Variants in PSD3 observed in about 807,000 individuals in gnomAD.
PSD3 encodes pleckstrin and Sec7 domain containing 3, also known as PH and SEC7 domain-containing protein 3.
A neutral mutation model predicts 105.5 loss-of-function variants in PSD3; 49 were observed. The observed-to-expected ratio is 0.46, with a 90% CI of 0.37 to 0.59. PSD3 has a LOEUF of 0.59. PSD3 is among the 20% of genes least tolerant of loss of function. PSD3 has a pLI of 0.00. For missense variants in PSD3, 1,561 were observed against 1,263.8 expected (o/e 1.24, Z -3.57); for synonymous variants, 557 against 457.8 (o/e 1.22, Z -2.77).
At chr8:18,784,560 A>G (rs1808948089) in intron 8 of PSD3, among the ~76,000 whole-genome samples, 1 of 152,212 alleles carries the variant, frequency 6.6e-6, no homozygotes, top group South Asian at 2.1e-4. Context: ...GTGGGTTGTC[A>G]GTTATACTTC....
At chr8:19,049,844 T>C (rs534978554) in intron 1 of PSD3, among the ~76,000 whole-genome samples, 35 of 152,304 alleles carry the variant, frequency 2.3e-4, no homozygotes, top group Non-Finnish European at 4.4e-4. Flanking sequence ...AATTCGAGTC[T>C]GAAGCCAGAT....
intron 1 of PSD3, among the ~76,000 whole-genome samples, chr8:18,948,933 G>A (rs1019861359): frequency 1.3e-5 from 2 of 151,730 alleles, no homozygotes; most frequent in African/African-American, 4.8e-5. Flanking sequence ...TGACCTCTTG[G>A]TGGCAACTGT....
At chr8:18,861,714 T>C (rs1816467797) in intron 4 of PSD3, among the ~76,000 whole-genome samples, 1 of 152,184 alleles carries the variant, frequency 6.6e-6, no homozygotes, top group Admixed American at 6.5e-5. Context: ...ATCTATTTTC[T>C]TATTATTCCT....
chr8:18,667,203 G>A (rs1001043488), intron 9 of PSD3, among the ~76,000 whole-genome samples: 8 of 152,270 alleles, frequency 5.3e-5, no homozygotes, highest in Admixed American at 1.3e-4. Context: ...CCATTTTACA[G>A]AGAGCCGATT....
At chr8:18,974,050 T>A (rs371294527) in intron 1 of PSD3, among the ~76,000 whole-genome samples, 11 of 152,120 alleles carry the variant, frequency 7.2e-5, no homozygotes, top group African/African-American at 2.7e-4. Context: ...ACAATACAAA[T>A]GATAAAATAA....
At chr8:19,048,528 G>T (rs913843976) in intron 1 of PSD3, among the ~76,000 whole-genome samples, 15 of 146,022 alleles carry the variant, frequency 1.0e-4, no homozygotes, top group African/African-American at 3.4e-4. Context: ...CTGCCAAAGT[G>T]CTAGCTTGTA....
At chr8:18,555,007 C>T (rs1040817538) in intron 15 of PSD3, among the ~76,000 whole-genome samples, 3 of 152,090 alleles carry the variant, frequency 2.0e-5, no homozygotes, top group African/African-American at 4.8e-5. Context: ...GTTGTGGAAA[C>T]GTGGAGACGC....
At chr8:18,650,903 C>T (rs1026130740) in intron 10 of PSD3, among the ~76,000 whole-genome samples, 3 of 152,148 alleles carry the variant, frequency 2.0e-5, no homozygotes, top group Non-Finnish European at 4.4e-5. Context: ...TGCCAGGCAG[C>T]ATGGTGGTGC....
intron 9 of PSD3, among the ~76,000 whole-genome samples, chr8:18,745,137 C>A (rs1339674076): frequency 1.3e-5 from 2 of 152,134 alleles, no homozygotes; most frequent in Admixed American, 6.5e-5. Flanking sequence ...CTTTCACTGT[C>A]TACATTGTAA....
rs149157687 is a variant in PSD3 at position 18,544,790 on chromosome 8, G to C, written c.2929-8832C>G. Reference sequence around the variant, plus strand: ...CATTCTGTTCCCACACCTCGCCCCAGGAAGCTCTCATAGGAATCTGCTCTT... The same window carrying C: ...CATTCTGTTCCCACACCTCGCCCCACGAAGCTCTCATAGGAATCTGCTCTT... On this transcript the variant is annotated intron_variant, in intron 15 of 15. Transcript: ENST00000327040. Among the ~76,000 whole-genome samples, 266 of 152,214 alleles carry C rather than the reference G, an allele frequency of 1.7e-3. 1 individual carries two copies. The highest frequency in any genetic ancestry group is 6.2e-3 in the African/African-American group (256 of 41,534).
chr8:19,045,155 A>G (rs975697481), intron 1 of PSD3, among the ~76,000 whole-genome samples: 19 of 152,200 alleles, frequency 1.2e-4, no homozygotes, highest in Non-Finnish European at 7.3e-5. Context: ...ATTGCACTTC[A>G]GCCAGGGTGA....
chr8:18,538,501 A>G (rs1799957524), intron 15 of PSD3, among the ~76,000 whole-genome samples: 1 of 152,218 alleles, frequency 6.6e-6, no homozygotes, highest in South Asian at 2.1e-4. Context: ...AGATTAAAAA[A>G]CAGAAAAGAA....
intron 11 of PSD3, among the ~76,000 whole-genome samples, chr8:18,616,427 C>A (rs1265998282): frequency 6.6e-6 from 1 of 152,130 alleles, no homozygotes; most frequent in Non-Finnish European, 1.5e-5. Context: ...TTGATGGTGG[C>A]CAGGCATTCT....
In PSD3 at chr8:18,701,634, T is replaced by C. The variant is rs188844902; in HGVS notation, c.2173-45949A>G. On this transcript the variant is annotated intron_variant, in intron 9 of 15. Transcript: ENST00000327040. Reference sequence around the variant, plus strand: ...AGGAAACAAAAAAGTGGCTTCCTAGTAGTGCAGAGTAAGTTCCAAGATGTT... The same window carrying C: ...AGGAAACAAAAAAGTGGCTTCCTAGCAGTGCAGAGTAAGTTCCAAGATGTT... 3.3e-5 allele frequency among the ~76,000 whole-genome samples: 5 copies of C among 152,320 alleles called. No individual in the cohort carries two copies. The East Asian group carries it at 5.8e-4, about 18-fold the overall frequency.
At chr8:19,009,133 C>A (rs1432552167) in intron 1 of PSD3, among the ~76,000 whole-genome samples, 1 of 152,194 alleles carries the variant, frequency 6.6e-6, no homozygotes, top group Admixed American at 6.5e-5. Context: ...TCCTTTTAGA[C>A]ACCCCAGGGG....
At chr8:18,758,678 T>C (rs987389030) in intron 9 of PSD3, among the ~76,000 whole-genome samples, 5 of 152,136 alleles carry the variant, frequency 3.3e-5, no homozygotes, top group African/African-American at 1.2e-4. Context: ...AAAATGTGTT[T>C]TATCTTTGCT....
At chr8:18,734,238 G>A (rs577880103) in intron 9 of PSD3, 40 of 152,220 alleles carry the variant, frequency 2.6e-4, no homozygotes, top group African/African-American at 9.1e-4. Flanking sequence ...TTGTTTCAAA[G>A]CCCAAGTTTC....
chr8:18,731,568 G>T (rs1391339268), intron 9 of PSD3, among the ~76,000 whole-genome samples: 1 of 152,104 alleles, frequency 6.6e-6, no homozygotes, highest in Non-Finnish European at 1.5e-5. Context: ...AAGACAACAG[G>T]AGAAACAATA....
intron 1 of PSD3, among the ~76,000 whole-genome samples, chr8:19,004,052 G>A (rs78718162): frequency 0.12 from 18,243 of 151,950 alleles, 1,345 homozygotes; most frequent in Non-Finnish European, 0.16. Flanking sequence ...TCTGAAACCA[G>A]GTAATTCTTG....
Sources: allele counts gnomAD v4.1 joint callset (sites outside exome capture counted in the v4.1 genomes callset), GRCh38; gene constraint gnomAD v4.1.1; transcripts MANE v1.5; gene names NCBI Gene and HGNC (gene_info 2026-07-23, HGNC 2026-07-21).